The following CLK2 variants were observed in gnomAD, a reference collection of about 807,000 sequenced individuals.
CLK2 encodes CDC like kinase 2, also known as dual specificity protein kinase CLK2.
Under a neutral mutation model 73.5 loss-of-function variants are expected in CLK2, and 12 were observed. That is an observed-to-expected ratio of 0.16 (90% CI 0.10 to 0.26). The LOEUF is 0.26. Among genes scored for constraint, CLK2 ranks in the 10% least tolerant of loss-of-function variants. The pLI, the probability that CLK2 is intolerant of heterozygous loss-of-function variation, is 1.00. For synonymous variants in CLK2, 232 were observed against 237.9 expected (o/e 0.98, Z 0.23); for missense variants, 509 against 688.4 (o/e 0.74, Z 2.92).
chr1:155,269,324 GC>G (rs1300626296), intron 3 of CLK2, 163 bp downstream of exon 3: 31 of 645,566 alleles, frequency 4.8e-5, no homozygotes, highest in Non-Finnish European at 8.5e-5. Flanking sequence ...CAGATCCAGG[GC>G]CCTTCAAGAG....
rs892549893 is a variant in CLK2, at chr1:155,269,599, C to T, written c.288G>A (p.Arg96=). ...TCTCCCGCTGATATTCATAGGAATG[C>T]CGATAGTCTGTGTCATAGTAGGCAT... ...RGDAYYDTDY[R]HSYEYQRENS... The change falls in exon 3 of 13, where the codon CGG becomes CGA. Residue 96 remains arginine, a synonymous_variant. Coordinates refer to ENST00000368361, the MANE Select transcript of CLK2 (RefSeq NM_001294338.2). 2 of 1,614,082 alleles carry T rather than the reference C, an allele frequency of 1.2e-6. No homozygotes were observed. The highest frequency in any genetic ancestry group is 1.3e-5 in the African/African-American group (1 of 74,914).
Position 155,270,857 on chromosome 1 carries a change from G to T in CLK2, c.121C>A (p.Arg41=), listed in dbSNP as rs749596664. 2 of 1,613,908 alleles carry T rather than the reference G, an allele frequency of 1.2e-6. No individual in the cohort carries two copies. The highest frequency in any genetic ancestry group is 2.7e-5 in the African/African-American group (2 of 74,904). ...RSRSWSSSSD[R]TRRRRREDSY... ...TCCTCTCGCCGACGCCGTCGTGTCC[G>T]GTCACTACTACTTGACCAGGAGCGA... is the stretch of plus-strand genomic sequence containing the variant. Residue 41 remains arginine (R), a synonymous_variant, in exon 2 of 13, where the codon CGG becomes AGG. Transcript: ENST00000368361.
intron 3 of CLK2, chr1:155,269,025 G>C: frequency 1.6e-6 from 1 of 606,782 alleles, no homozygotes; most frequent in South Asian, 1.9e-5. Context: ...AACAGGGAGA[G>C]GCATGGGCAG....
chr1:155,263,208 G>A lies in CLK2; in HGVS notation c.*10C>T, dbSNP rs1448426223. 1.2e-6 allele frequency: 2 copies of A among 1,609,956 alleles called. No homozygotes were observed. The highest frequency in any genetic ancestry group is 8.5e-7 in the Non-Finnish European group (1 of 1,178,126). On this transcript the variant is annotated 3_prime_UTR_variant, in exon 13 of 13. Coordinates refer to ENST00000368361, the MANE Select transcript of CLK2 (RefSeq NM_001294338.2). ...CTATAAAAGATGCAGGGGGGCCCAG[G>A]GCCTGATCGTCACCGACTGATATCC...
chr1:155,263,370 G>A lies in CLK2; in HGVS notation c.1348C>T (p.His450Tyr). 4 of 1,614,164 alleles carry A rather than the reference G, an allele frequency of 2.5e-6. No homozygotes were observed. The highest frequency in any genetic ancestry group is 2.5e-6 in the Non-Finnish European group (3 of 1,180,046). Residue 450 changes from histidine to tyrosine, a missense_variant, in exon 13 of 13, where the codon CAC becomes TAC. By Grantham distance (83) the His-to-Tyr change is moderately conservative (BLOSUM62 2). Transcript: ENST00000368361. ...CTTTCAATCAGATCGAAGAGCTGGTGGTGTTCCTCTGCCTCTGAGGTCAGA... is the reference window on the plus strand; with the variant it reads ...CTTTCAATCAGATCGAAGAGCTGGTAGTGTTCCTCTGCCTCTGAGGTCAGA... ...RYLTSEAEEH[H>Y]QLFDLIESML...
chr1:155,270,607 C>T (rs933908879), intron 2 of CLK2, among the ~76,000 whole-genome samples: 1 of 152,196 alleles, frequency 6.6e-6, no homozygotes, highest in African/African-American at 2.4e-5. Context: ...CAACCAAACG[C>T]ACTGGGTACG....
At chr1:155,265,823 G>GC (rs763402666) in intron 8 of CLK2, 37 bp downstream of exon 8, 1 of 1,355,150 alleles carries the variant, frequency 7.4e-7, no homozygotes, top group South Asian at 1.2e-5. Context: ...GCAGCTGCCT[G>GC]CCCCCAGTAA....
In CLK2 at chr1:155,263,040, G is replaced by A. The variant is rs975120991; in HGVS notation, c.*178C>T. On this transcript the variant is annotated 3_prime_UTR_variant, in exon 13 of 13. Transcript: ENST00000368361. The stretch of plus-strand genomic sequence containing the variant: ...GGAATAGTATTATGTACAAGGCAGG[G>A]GTTGAAGTGATAGGTACAAGTTCTT... 4 of 624,578 alleles carry A rather than the reference G, an allele frequency of 6.4e-6. No individual in the cohort carries two copies. Among genetic ancestry groups the A allele is most frequent in the Admixed American group, 3.1e-5 (1 of 32,350 alleles). 38.7% of individuals were successfully genotyped at this position (624,578 alleles called of 1,614,324 possible).
At position 155,264,792 on chromosome 1, in the gene CLK2, A is replaced by G. The variant is rs1373297407; in HGVS notation, c.934-18T>C. ...TCTCGCTTCTAGGAGCAGAGGAGAA[A>G]GAGGATGAACCTCTGCACCCAGACT... On this transcript the variant is annotated intron_variant, in intron 8 of 12. Coordinates refer to ENST00000368361, the MANE Select transcript of CLK2 (RefSeq NM_001294338.2). 3.7e-6 allele frequency: 6 copies of G among 1,613,558 alleles called. No individual in the cohort carries two copies. The highest frequency in any genetic ancestry group is 5.1e-6 in the Non-Finnish European group (6 of 1,179,626).
intron 6 of CLK2, 149 bp downstream of exon 6, chr1:155,267,861 C>T: frequency 3.0e-6 from 2 of 670,294 alleles, no homozygotes; most frequent in Non-Finnish European, 5.3e-6. Context: ...CTTTCCTACC[C>T]TGATGTTCTA....
intron 3 of CLK2, chr1:155,269,029 T>C (rs1446636074): frequency 5.0e-6 from 3 of 603,230 alleles, no homozygotes; most frequent in Admixed American, 2.8e-5. Context: ...GGGAGAGGCA[T>C]GGGCAGAGCA....
In CLK2 at chr1:155,268,462, G is replaced by C; in HGVS notation, c.488-103C>G. 2 of 948,414 alleles carry C rather than the reference G, an allele frequency of 2.1e-6. No homozygotes were observed. The highest frequency in any genetic ancestry group is 2.7e-5 in the South Asian group (2 of 74,430). 58.7% of individuals were successfully genotyped at this position (948,414 alleles called of 1,614,324 possible). A position where few individuals can be genotyped will look rare whatever the true frequency, so the allele number is the denominator to read the frequency against. On this transcript the variant is annotated intron_variant, in intron 4 of 12. Coordinates refer to ENST00000368361, the MANE Select transcript of CLK2 (RefSeq NM_001294338.2). This position sits in a 1 kb window ranked among gnomAD's most constrained non-coding sequence, Gnocchi z 5.6. ...GACAGCAACCTGGGGTGGAGATGAAGGAAGGGGAACAGATACAGATGGTCA... is the reference window on the plus strand; with the variant it reads ...GACAGCAACCTGGGGTGGAGATGAACGAAGGGGAACAGATACAGATGGTCA...
At chr1:155,266,979 C>A in intron 6 of CLK2, 84 bp from the exon 7 acceptor site, 2 of 1,452,822 alleles carry the variant, frequency 1.4e-6, no homozygotes, top group South Asian at 2.5e-5. Context: ...TACTTCATAG[C>A]TGTTGATTCC....
In CLK2 at chr1:155,267,574, C is replaced by T. The variant is rs145892155; in HGVS notation, c.671+436G>A. Among the ~76,000 whole-genome samples the T allele has an allele frequency of 1.2e-3, 190 of 152,314 alleles. 1 individual carries two copies. The highest frequency in any genetic ancestry group is 4.4e-3 in the African/African-American group (182 of 41,568). On this transcript the variant is annotated intron_variant, in intron 6 of 12. Coordinates refer to ENST00000368361, the MANE Select transcript of CLK2 (RefSeq NM_001294338.2). ...AGCTACCACTGGGCTCCTATTTATA[C>T]CTACTGGCCTCATATCTTGGCTTAA...
In CLK2 at chr1:155,270,857, G is replaced by C. The variant is rs749596664; in HGVS notation, c.121C>G (p.Arg41Gly). 2 of 1,613,908 alleles carry C rather than the reference G, an allele frequency of 1.2e-6. No homozygotes were observed. Among genetic ancestry groups the C allele is most frequent in the African/African-American group, 1.3e-5 (1 of 74,904 alleles). ...TCCTCTCGCCGACGCCGTCGTGTCC[G>C]GTCACTACTACTTGACCAGGAGCGA... is the stretch of plus-strand genomic sequence containing the variant. ...RSRSWSSSSD[R>G]TRRRRREDSY... Residue 41 changes from arginine to glycine, a missense_variant, in exon 2 of 13, where the codon CGG (arginine) becomes GGG (glycine). Physicochemically the swap from Arg to Gly is moderately radical, Grantham distance 125 (BLOSUM62 -2). This residue lies in a region of CLK2 where 222 missense variants were observed against 221.7 expected (regional missense o/e 1.00). Transcript: ENST00000368361.
chr1:155,264,351 G>C (rs1673130197), intron 10 of CLK2, 51 bp from the exon 11 acceptor site: 1 of 1,607,612 alleles, frequency 6.2e-7, no homozygotes, highest in Non-Finnish European at 8.5e-7. Flanking sequence ...GCATGCTAAG[G>C]ATCAGCTGCC....
chr1:155,267,695 C>A (rs761875701), intron 6 of CLK2, among the ~76,000 whole-genome samples: 1 of 152,194 alleles, frequency 6.6e-6, no homozygotes, highest in Non-Finnish European at 1.5e-5. Flanking sequence ...CTTATAAAAG[C>A]TTAATTCATT....
intron 7 of CLK2, among the ~76,000 whole-genome samples, chr1:155,266,312 C>T (rs1464788574): frequency 6.6e-6 from 1 of 152,164 alleles, no homozygotes; most frequent in East Asian, 1.9e-4. Flanking sequence ...CCACCTTGCC[C>T]CTTAGCTGAA....
chr1:155,265,440 G>A (rs1673182991), intron 8 of CLK2, among the ~76,000 whole-genome samples: 1 of 152,048 alleles, frequency 6.6e-6, no homozygotes, highest in African/African-American at 2.4e-5. Flanking sequence ...GGTGGCGGGT[G>A]CCTGTAATCC....
Sources: allele counts gnomAD v4.1 joint callset (sites outside exome capture counted in the v4.1 genomes callset), GRCh38; gene constraint gnomAD v4.1.1; regional missense constraint gnomAD v4.1.1; non-coding constraint Gnocchi (gnomAD v3.1); transcripts MANE v1.5; gene names NCBI Gene and HGNC (gene_info 2026-07-23, HGNC 2026-07-21).